ARHGAP22: variants seen among roughly 807,000 people sequenced by gnomAD.
ARHGAP22 encodes the protein rho GTPase-activating protein 22.
ARHGAP22 carries 48 observed loss-of-function variants against 59.1 expected under a neutral mutation model. The observed-to-expected ratio is 0.81, with a 90% CI of 0.64 to 1.03. The LOEUF (loss-of-function observed/expected upper bound fraction) is 1.03, where lower values mean the gene tolerates loss of function less well. Ranked by LOEUF, ARHGAP22 falls within the 50% of genes least tolerant of loss-of-function variation. The pLI is 0.00. For synonymous variants in ARHGAP22, 445 were observed against 416.4 expected (o/e 1.07, Z -0.84); for missense variants, 1,015 against 958.7 (o/e 1.06, Z -0.78).
At chr10:48,542,508 C>T (rs1221350993) in intron 3 of ARHGAP22, among the ~76,000 whole-genome samples, 1 of 152,204 alleles carries the variant, frequency 6.6e-6, no homozygotes, top group African/African-American at 2.4e-5. Flanking sequence ...GCCTCTGCCT[C>T]CGCCTCCTGT....
At chr10:48,490,763 G>A (rs1330334224) in intron 3 of ARHGAP22, among the ~76,000 whole-genome samples, 1 of 152,152 alleles carries the variant, frequency 6.6e-6, no homozygotes, top group East Asian at 1.9e-4. Context: ...TCCTCGTGCT[G>A]AGACATCCAG....
intron 4 of ARHGAP22, among the ~76,000 whole-genome samples, chr10:48,475,586 T>TCTCTCATTCATTCTCATACAC (rs1156742340): frequency 1.3e-5 from 2 of 152,160 alleles, no homozygotes; most frequent in Non-Finnish European, 2.9e-5. Context: ...ATCCTTAACT[T>TCTCTCATTCATTCTCATACAC]CTCTCATTCA....
In ARHGAP22 at chr10:48,583,098, G is replaced by C. The variant is rs146683289; in HGVS notation, c.89C>G (p.Pro30Arg). 1.9e-6 allele frequency: 3 copies of C among 1,614,254 alleles called. No individual in the cohort carries two copies. The highest frequency in any genetic ancestry group is 1.7e-5 in the Admixed American group (1 of 60,028). Residue 30 changes from proline (P) to arginine (R), a missense_variant, in exon 2 of 10, where the codon CCG (proline) becomes CGG (arginine). By Grantham distance (103) the Pro-to-Arg change is moderately radical. Coordinates refer to ENST00000249601, the MANE Select transcript of ARHGAP22 (RefSeq NM_021226.4). ...GEQSRSPGRM[P>R]CPHRLGPVLK... ...CACGGGGCCCAGCCTGTGAGGGCAC[G>C]GCATCCGCCCAGGGCTCCGGCTCTG...
At chr10:48,550,422 C>T (rs1341235183) in intron 3 of ARHGAP22, among the ~76,000 whole-genome samples, 1 of 152,224 alleles carries the variant, frequency 6.6e-6, no homozygotes. Context: ...CCTTGCCTTC[C>T]TCCTGGAAAG....
intron 2 of ARHGAP22, chr10:48,574,698 G>A (rs564207030): frequency 1.3e-5 from 2 of 152,398 alleles, no homozygotes; most frequent in South Asian, 2.1e-4. Flanking sequence ...AGCCAAAGGT[G>A]TGAGGTTTTT....
intron 3 of ARHGAP22, among the ~76,000 whole-genome samples, chr10:48,488,520 A>G (rs7071384): frequency 0.01 from 1,558 of 152,320 alleles, 23 homozygotes; most frequent in African/African-American, 0.034. Flanking sequence ...ATGAACGTAG[A>G]TTCTTGGAAA....
rs1383739115 is a variant in ARHGAP22 at position 48,646,778 on chromosome 10, ACTT to A, written c.52+5453_52+5455del. Among the ~76,000 whole-genome samples the A allele has an allele frequency of 5.3e-5, 8 of 152,296 alleles. No individual in the cohort carries two copies. In the South Asian group the frequency reaches 1.7e-3, roughly 32 times the overall value. On this transcript the variant is annotated intron_variant, in intron 1 of 9. Coordinates refer to the ARHGAP22 transcript ENST00000435790. ...TAAATGTAGATGCTAAAACCATACA[ACTT>A]CTAGAAACAAACACAGGAGAAAGTG...
At chr10:48,457,447 C>G (rs998235615) in intron 5 of ARHGAP22, among the ~76,000 whole-genome samples, 8 of 152,166 alleles carry the variant, frequency 5.3e-5, no homozygotes, top group African/African-American at 1.9e-4. Context: ...TCAAGACCCA[C>G]CCCCCTTAGA....
chr10:48,626,189 C>T (rs1354016032), intron 1 of ARHGAP22, among the ~76,000 whole-genome samples: 2 of 152,144 alleles, frequency 1.3e-5, no homozygotes, highest in Non-Finnish European at 2.9e-5. Context: ...TAAATCAGAG[C>T]CAATTATAAG....
chr10:48,512,620 A>G (rs899225654), intron 3 of ARHGAP22, among the ~76,000 whole-genome samples: 6 of 152,208 alleles, frequency 3.9e-5, no homozygotes, highest in African/African-American at 1.4e-4. Flanking sequence ...ACAGAGGCCA[A>G]TTTAACTCTT....
At chr10:48,494,425 A>G (rs2050716279) in intron 3 of ARHGAP22, among the ~76,000 whole-genome samples, 3 of 152,202 alleles carry the variant, frequency 2.0e-5, no homozygotes, top group African/African-American at 7.2e-5. Context: ...CACCTCAGGC[A>G]GCCCTGGAGG....
chr10:48,632,459 C>T (rs547783785), intron 1 of ARHGAP22, among the ~76,000 whole-genome samples: 4 of 152,128 alleles, frequency 2.6e-5, no homozygotes, highest in African/African-American at 9.7e-5. Context: ...CACTTGCTTG[C>T]ATGACTTCTG....
At chr10:48,435,244 T>C in the ARHGAP22 span, 1 of 443,982 alleles carries the variant, frequency 2.3e-6, no homozygotes, top group Non-Finnish European at 4.0e-6. Context: ...ATTGTATTTT[T>C]TTTGCTGTAA....
intron 4 of ARHGAP22, among the ~76,000 whole-genome samples, chr10:48,472,267 T>C (rs192273845): frequency 6.6e-6 from 1 of 151,686 alleles, no homozygotes; most frequent in African/African-American, 2.4e-5. Flanking sequence ...CTCATGCCTG[T>C]AATCCCAGCA....
intron 1 of ARHGAP22, among the ~76,000 whole-genome samples, chr10:48,617,948 T>C (rs745540237): frequency 2.6e-5 from 4 of 151,780 alleles, no homozygotes; most frequent in Non-Finnish European, 5.9e-5. Flanking sequence ...CTAGACCAAG[T>C]ATGAGAAAAA....
chr10:48,566,817 G>A (rs966705639), intron 2 of ARHGAP22, among the ~76,000 whole-genome samples: 1 of 152,170 alleles, frequency 6.6e-6, no homozygotes, highest in Non-Finnish European at 1.5e-5. Context: ...TCAGAACACC[G>A]GCTCCCTGCA....
At chr10:48,541,449 T>C (rs1434124193) in intron 3 of ARHGAP22, among the ~76,000 whole-genome samples, 1 of 152,224 alleles carries the variant, frequency 6.6e-6, no homozygotes, top group Non-Finnish European at 1.5e-5. Flanking sequence ...TGTGTCTCTG[T>C]GTCACAGAAC....
intron 2 of ARHGAP22, among the ~76,000 whole-genome samples, chr10:48,560,341 C>T (rs1264875929): frequency 6.6e-6 from 1 of 152,094 alleles, no homozygotes; most frequent in Non-Finnish European, 1.5e-5. Context: ...TATAACTCCT[C>T]ATTTATTTAG....
intron 1 of ARHGAP22, among the ~76,000 whole-genome samples, chr10:48,612,070 C>A (rs1297941423): frequency 4.6e-5 from 7 of 151,774 alleles, no homozygotes; most frequent in Non-Finnish European, 1.0e-4. Flanking sequence ...ATCCGCCTGC[C>A]TTGGCCTCCC....
Sources: allele counts gnomAD v4.1 joint callset (sites outside exome capture counted in the v4.1 genomes callset), GRCh38; gene constraint gnomAD v4.1.1; transcripts MANE v1.5; gene names NCBI Gene and HGNC (gene_info 2026-07-23, HGNC 2026-07-21).